Variants in RGS17 observed in about 807,000 individuals in gnomAD.
The protein encoded by RGS17 is regulator of G-protein signaling 17.
Under a neutral mutation model 25.5 loss-of-function variants are expected in RGS17, and 12 were observed. The ratio of observed to expected loss-of-function variants is 0.47; its 90% CI spans 0.30 to 0.76. The LOEUF (loss-of-function observed/expected upper bound fraction) is 0.76. Ranked by LOEUF, RGS17 falls within the 30% of genes least tolerant of loss-of-function variation. RGS17 has a pLI of 0.07. For missense variants in RGS17, 196 were observed against 242.2 expected, an observed-to-expected ratio of 0.81 and a Z score of 1.27; for synonymous variants, 71 against 76.9, an observed-to-expected ratio of 0.92 and a Z score of 0.40.
At chr6:153,013,609 C>T (rs1179926693) in intron 4 of RGS17, among the ~76,000 whole-genome samples, 1 of 152,166 alleles carries the variant, frequency 6.6e-6, no homozygotes, top group African/African-American at 2.4e-5. Flanking sequence ...TGAAAGTTAG[C>T]CAAGTTGTGT....
chr6:153,092,966 C>T (rs1330489593), intron 1 of RGS17, among the ~76,000 whole-genome samples: 2 of 152,136 alleles, frequency 1.3e-5, no homozygotes, highest in Admixed American at 6.5e-5. Context: ...TCAATTTCCA[C>T]GCTTCCTCTA....
At chr6:153,081,019 T>C (rs1202085514) in intron 1 of RGS17, among the ~76,000 whole-genome samples, 2 of 152,146 alleles carry the variant, frequency 1.3e-5, no homozygotes, top group African/African-American at 4.8e-5. Context: ...AATTGGTTAA[T>C]GGCTCAGCAT....
Position 153,057,640 on chromosome 6 carries a change from T to C in RGS17, c.-25-13597A>G, listed in dbSNP as rs575463553. Among the ~76,000 whole-genome samples, 11 of 152,312 alleles carry C rather than the reference T, an allele frequency of 7.2e-5. 1 individual carries two copies. In the South Asian group the frequency reaches 2.3e-3, roughly 32 times the overall value. ...TGGGATGATTCAAGCACATTACATT[T>C]ATTGTGCTCTTTATTTCTATTATTA... On this transcript the variant is annotated intron_variant, in intron 1 of 4. Coordinates refer to ENST00000206262, the MANE Select transcript of RGS17 (RefSeq NM_012419.5).
At chr6:153,103,413 G>A (rs1777334765) in intron 1 of RGS17, among the ~76,000 whole-genome samples, 1 of 152,120 alleles carries the variant, frequency 6.6e-6, no homozygotes, top group African/African-American at 2.4e-5. Flanking sequence ...ATGCTGTTGT[G>A]AGCTGTTGGC....
intron 1 of RGS17, among the ~76,000 whole-genome samples, chr6:153,088,874 A>T (rs1777087255): frequency 6.6e-6 from 1 of 152,154 alleles, no homozygotes; most frequent in Non-Finnish European, 1.5e-5. Context: ...TTTTAGCTAG[A>T]TTCAGTACTT....
At chr6:153,027,039 T>C (rs1229169284) in intron 2 of RGS17, among the ~76,000 whole-genome samples, 2 of 152,232 alleles carry the variant, frequency 1.3e-5, no homozygotes, top group Admixed American at 6.5e-5. Flanking sequence ...TTGTTACCGA[T>C]AATATCATTC....
At chr6:153,092,743 T>C (rs562832726) in intron 1 of RGS17, among the ~76,000 whole-genome samples, 1 of 152,250 alleles carries the variant, frequency 6.6e-6, no homozygotes, top group Non-Finnish European at 1.5e-5. Context: ...TTTGGAATTA[T>C]ACAAACAGTG....
intron 2 of RGS17, among the ~76,000 whole-genome samples, chr6:153,029,116 T>C (rs1256937104): frequency 1.3e-5 from 2 of 152,234 alleles, no homozygotes; most frequent in Non-Finnish European, 2.9e-5. Flanking sequence ...TGGTAAAATA[T>C]GGACACACAT....
chr6:153,017,699 T>C (rs953538946), intron 4 of RGS17, among the ~76,000 whole-genome samples: 7 of 152,224 alleles, frequency 4.6e-5, no homozygotes, highest in African/African-American at 1.7e-4. Flanking sequence ...TTTATGTTAT[T>C]TAATTCCCTG....
intron 2 of RGS17, among the ~76,000 whole-genome samples, chr6:153,032,084 C>G (rs536811531): frequency 1.6e-4 from 25 of 152,186 alleles, no homozygotes; most frequent in African/African-American, 5.5e-4. Flanking sequence ...GTTTCACTTA[C>G]AAAAGACTAC....
chr6:153,110,120 A>G (rs1225261770), intron 1 of RGS17, among the ~76,000 whole-genome samples: 1 of 152,182 alleles, frequency 6.6e-6, no homozygotes, highest in Non-Finnish European at 1.5e-5. Flanking sequence ...TTCACGGCCA[A>G]GAAGCTCCAT....
At chr6:153,037,430 CTT>C (rs532609053) in intron 2 of RGS17, among the ~76,000 whole-genome samples, 14 of 142,650 alleles carry the variant, frequency 9.8e-5, no homozygotes, top group Admixed American at 2.1e-4. Context: ...GCATTTTTTA[CTT>C]TTTTTTTTTT....
intron 1 of RGS17, among the ~76,000 whole-genome samples, chr6:153,126,747 T>C (rs1328996674): frequency 6.6e-6 from 1 of 152,230 alleles, no homozygotes; most frequent in African/African-American, 2.4e-5. Flanking sequence ...CTAAGCATCG[T>C]GCCCAAAGGA....
chr6:153,069,754 G>GTGTGTT (rs1373739977), intron 1 of RGS17, among the ~76,000 whole-genome samples: 27 of 151,562 alleles, frequency 1.8e-4, no homozygotes. Flanking sequence ...GTGTGTGTGT[G>GTGTGTT]TGTGTGTGTG....
intron 1 of RGS17, among the ~76,000 whole-genome samples, chr6:153,047,875 C>T (rs1471638351): frequency 1.3e-5 from 2 of 152,214 alleles, no homozygotes; most frequent in Admixed American, 6.5e-5. Flanking sequence ...ACTTTCTTCT[C>T]TTGCCTCCTG....
chr6:153,084,457 T>C (rs895234637), intron 1 of RGS17, among the ~76,000 whole-genome samples: 4 of 151,994 alleles, frequency 2.6e-5, no homozygotes, highest in Admixed American at 6.6e-5. Context: ...AACAGAGACA[T>C]AGGATGGTGG....
intron 1 of RGS17, among the ~76,000 whole-genome samples, chr6:153,105,418 G>A (rs866077363): frequency 2.0e-5 from 3 of 151,934 alleles, no homozygotes; most frequent in African/African-American, 2.4e-5. Context: ...CTGCCACCCC[G>A]GGCTCAGCCT....
At chr6:153,061,814 T>G (rs946201284) in intron 1 of RGS17, among the ~76,000 whole-genome samples, 1 of 152,230 alleles carries the variant, frequency 6.6e-6, no homozygotes, top group Non-Finnish European at 1.5e-5. Flanking sequence ...AGGTTACCTG[T>G]GATTCTCTCT....
rs892360872 is a variant in RGS17, at chr6:153,008,046, T to C, written c.*3528A>G. 1.3e-5 allele frequency: 2 copies of C among 152,224 alleles called. No homozygotes were observed. The highest frequency in any genetic ancestry group is 4.8e-5 in the African/African-American group (2 of 41,462). The allele number at this position is 152,224 out of a possible 1,614,324, so 9.4% of individuals were successfully genotyped here. A position where few individuals can be genotyped will look rare whatever the true frequency, so the allele number is the denominator to read the frequency against. ...AATTACAATATGATTTTTTAAAGTA[T>C]AAATAAGTTAAAGGTATAGAAAAAT... On this transcript the variant is annotated 3_prime_UTR_variant, in exon 5 of 5. Transcript: ENST00000206262.
Sources: gnomAD v4.1 joint callset for allele counts (sites outside exome capture counted in the v4.1 genomes callset) on GRCh38, gnomAD v4.1.1 for gene constraint, MANE v1.5 for transcripts, NCBI Gene and HGNC (gene_info 2026-07-23, HGNC 2026-07-21) for gene names.